The following PPARGC1B variants were observed in gnomAD, a reference collection of about 807,000 sequenced individuals.
The protein encoded by PPARGC1B is peroxisome proliferator-activated receptor gamma coactivator 1-beta.
In PPARGC1B, 34 loss-of-function variants were observed where a neutral mutation model predicts 101.6. The observed-to-expected ratio is 0.33, with a 90% CI of 0.25 to 0.45. The LOEUF is 0.45. Among genes scored for constraint, PPARGC1B ranks in the 20% least tolerant of loss-of-function variants. The pLI, the probability that PPARGC1B is intolerant of heterozygous loss-of-function variation, is 1.00. For missense variants in PPARGC1B, 1,234 were observed against 1,317.6 expected (o/e 0.94, Z 0.98); for synonymous variants, 548 against 539.3 (o/e 1.02, Z -0.22).
chr5:149,773,434 C>T (rs1424619693), intron 1 of PPARGC1B, among the ~76,000 whole-genome samples: 4 of 152,224 alleles, frequency 2.6e-5, no homozygotes, highest in Admixed American at 6.5e-5. Flanking sequence ...AAGACACCTG[C>T]GGCTCCTGCT....
At chr5:149,755,636 A>ATTG (rs1755493171) in intron 1 of PPARGC1B, among the ~76,000 whole-genome samples, 2 of 143,790 alleles carry the variant, frequency 1.4e-5, no homozygotes, top group South Asian at 4.3e-4. Flanking sequence ...TATTATTATT[A>ATTG]TTATTATTAT....
In PPARGC1B at chr5:149,795,525, T is replaced by G. The variant is rs551731231; in HGVS notation, c.79-24908T>G. Among the ~76,000 whole-genome samples, 3 of 152,248 alleles carry G rather than the reference T, an allele frequency of 2.0e-5. No homozygotes were observed. The South Asian group carries it at 6.2e-4, about 32-fold the overall frequency. ...AGCTCTGGAAACCTGATCTGGAGAT[T>G]AGAGGCCTGGAAAAGGCAACTGAGG... is the stretch of plus-strand genomic sequence containing the variant. On this transcript the variant is annotated intron_variant, in intron 1 of 11. Coordinates refer to ENST00000309241, the MANE Select transcript of PPARGC1B (RefSeq NM_133263.4).
At position 149,820,445 on chromosome 5, in the gene PPARGC1B, G is replaced by A. The variant is rs45518035; in HGVS notation, c.91G>A (p.Gly31Arg). The A allele has an allele frequency of 1.2e-3, 1,937 of 1,613,718 alleles. 25 individuals are homozygous for A. The African/African-American group carries it at 0.022, about 18-fold the overall frequency. Reference protein sequence around the residue: ...YLADTQGGGSGEEQLYADFPE... With the variant: ...YLADTQGGGSREEQLYADFPE... ...CCTGTCTCCTCAGGGTGGAGGGTCC[G>A]GGGAGGAGCAACTCTATGCTGACTT... is the stretch of plus-strand genomic sequence containing the variant. The change falls in exon 2 of 12, where the codon GGG (glycine) becomes AGG (arginine). Residue 31 changes from glycine (G) to arginine (R), a missense_variant. Transcript: ENST00000309241.
At chr5:149,744,225 G>C (rs997836117) in intron 1 of PPARGC1B, among the ~76,000 whole-genome samples, 1 of 152,172 alleles carries the variant, frequency 6.6e-6, no homozygotes, top group Non-Finnish European at 1.5e-5. Context: ...TTCCTGCCTA[G>C]GGCCAATTCA....
chr5:149,836,394 A>C lies in PPARGC1B; in HGVS notation c.1939A>C (p.Thr647Pro). Reference protein sequence around the residue: ...PSPEGLSLKATPGAAHKLPKK... With the variant: ...PSPEGLSLKAPPGAAHKLPKK... ...CCCTGAGGGCCTCTCACTCAAGGCC[A>C]CCCCAGGGGCTGCCCACAAGCTGCC... Residue 647 changes from threonine (T) to proline (P), a missense_variant, in exon 8 of 12, where the codon ACC (threonine) becomes CCC (proline). Thr to Pro is a conservative substitution (Grantham distance 38, BLOSUM62 -1). This residue lies in a region of PPARGC1B where 497 missense variants were observed against 529.5 expected (regional missense o/e 0.94). Transcript: ENST00000309241. 6.2e-7 allele frequency: 1 copy of C among 1,613,972 alleles called. No individual in the cohort carries two copies. Among genetic ancestry groups the C allele is most frequent in the Non-Finnish European group, 8.5e-7 (1 of 1,179,986 alleles).
At chr5:149,804,270 C>T (rs551322187) in intron 1 of PPARGC1B, among the ~76,000 whole-genome samples, 10 of 151,160 alleles carry the variant, frequency 6.6e-5, no homozygotes, top group Non-Finnish European at 1.3e-4. Flanking sequence ...CTACTCAGTG[C>T]TTGGCACCTT....
At chr5:149,839,929 C>T in intron 8 of PPARGC1B, 112 bp from the exon 9 acceptor site, 5 of 1,070,094 alleles carry the variant, frequency 4.7e-6, no homozygotes, top group Non-Finnish European at 7.1e-6. Flanking sequence ...CAGCTGTGTG[C>T]CCTCGTGAAC....
intron 1 of PPARGC1B, among the ~76,000 whole-genome samples, chr5:149,811,704 G>A (rs569213418): frequency 6.6e-6 from 1 of 152,350 alleles, no homozygotes; most frequent in Admixed American, 6.5e-5. Context: ...GAGATGGCCT[G>A]GATGGGATTA....
chr5:149,816,365 G>A (rs1758054410), intron 1 of PPARGC1B, among the ~76,000 whole-genome samples: 1 of 152,210 alleles, frequency 6.6e-6, no homozygotes, highest in Non-Finnish European at 1.5e-5. Context: ...CTCACCGGAT[G>A]ACCCCGAACA....
chr5:149,804,877 G>A (rs1228765489), intron 1 of PPARGC1B, among the ~76,000 whole-genome samples: 1 of 152,192 alleles, frequency 6.6e-6, no homozygotes, highest in East Asian at 1.9e-4. Context: ...GGGAGGGTGG[G>A]AGAGTCCAGG....
At chr5:149,822,081 C>G (rs1165719603) in intron 2 of PPARGC1B, among the ~76,000 whole-genome samples, 1 of 152,198 alleles carries the variant, frequency 6.6e-6, no homozygotes, top group Non-Finnish European at 1.5e-5. Context: ...CGGAGACCTC[C>G]ATTTTCTTGC....
In PPARGC1B at chr5:149,807,383, T is replaced by C. The variant is rs148984739; in HGVS notation, c.79-13050T>C. ...CAACATGGCAAGGAAAGGAAGCACC[T>C]GCCAGCTCATGAGCAGGGTGTCAGT... On this transcript the variant is annotated intron_variant, in intron 1 of 11. Coordinates refer to ENST00000309241, the MANE Select transcript of PPARGC1B (RefSeq NM_133263.4). 6.5e-3 allele frequency among the ~76,000 whole-genome samples: 991 copies of C among 152,048 alleles called. 13 individuals are homozygous for C. Among genetic ancestry groups the C allele is most frequent in the African/African-American group, 0.023 (959 of 41,492 alleles).
At chr5:149,828,262 T>C (rs1375699559) in intron 3 of PPARGC1B, among the ~76,000 whole-genome samples, 1 of 151,928 alleles carries the variant, frequency 6.6e-6, no homozygotes, top group African/African-American at 2.4e-5. Flanking sequence ...CGAGAGGGGG[T>C]CCTGCTTCAT....
intron 1 of PPARGC1B, among the ~76,000 whole-genome samples, chr5:149,815,481 C>A (rs1453036937): frequency 2.0e-5 from 3 of 152,232 alleles, no homozygotes; most frequent in African/African-American, 7.2e-5. Flanking sequence ...TCTCAGACTT[C>A]TGTTGTTTAA....
intron 8 of PPARGC1B, among the ~76,000 whole-genome samples, chr5:149,839,565 G>C (rs1759249444): frequency 6.6e-6 from 1 of 152,140 alleles, no homozygotes; most frequent in Non-Finnish European, 1.5e-5. Context: ...AGGGAACAGT[G>C]GTTCTGGAAT....
chr5:149,842,084 G>C (rs1246942389), intron 9 of PPARGC1B, among the ~76,000 whole-genome samples, 172 bp from the exon 10 acceptor site: 1 of 152,096 alleles, frequency 6.6e-6, no homozygotes, highest in East Asian at 1.9e-4. Flanking sequence ...CCTAACAAGG[G>C]CAGGTCCTCT....
intron 1 of PPARGC1B, among the ~76,000 whole-genome samples, chr5:149,766,898 A>T (rs1285878213): frequency 6.6e-6 from 1 of 152,200 alleles, no homozygotes; most frequent in Non-Finnish European, 1.5e-5. Flanking sequence ...CACTTTGAGA[A>T]CCTGCATCTG....
At chr5:149,806,664 A>G (rs982907322) in intron 1 of PPARGC1B, among the ~76,000 whole-genome samples, 1 of 150,864 alleles carries the variant, frequency 6.6e-6, no homozygotes, top group Non-Finnish European at 1.5e-5. Context: ...CTGGAGTGCA[A>G]TGGTGTGATC....
At chr5:149,815,644 A>G (rs906345577) in intron 1 of PPARGC1B, among the ~76,000 whole-genome samples, 3 of 152,078 alleles carry the variant, frequency 2.0e-5, no homozygotes, top group African/African-American at 7.2e-5. Flanking sequence ...GCTCACTGCA[A>G]TCTTTGCCAT....
Sources: allele counts gnomAD v4.1 joint callset (sites outside exome capture counted in the v4.1 genomes callset), GRCh38; gene constraint gnomAD v4.1.1; regional missense constraint gnomAD v4.1.1; transcripts MANE v1.5; gene names NCBI Gene and HGNC (gene_info 2026-07-23, HGNC 2026-07-21).